Variants in SLC19A2 observed in about 807,000 individuals in gnomAD.
SLC19A2 encodes the protein solute carrier family 19 member 2, also known as thiamine transporter 1.
SLC19A2 carries 27 observed loss-of-function variants against 44.7 expected under a neutral mutation model. That is an observed-to-expected ratio of 0.60 (90% CI 0.45 to 0.83). SLC19A2 has a LOEUF of 0.83. Ranked by LOEUF, SLC19A2 falls within the 40% of genes least tolerant of loss-of-function variation. The probability of loss-of-function intolerance (pLI) is 0.00; values close to 1 mark genes in which losing one functional copy is unlikely to be tolerated. For missense variants in SLC19A2, 566 were observed against 613.7 expected, an observed-to-expected ratio of 0.92 and a Z score of 0.82; for synonymous variants, 239 against 243.6, an observed-to-expected ratio of 0.98 and a Z score of 0.18.
Position 169,465,720 on chromosome 1 carries a change from G to A in SLC19A2, c.*129C>T. 2.1e-6 allele frequency: 2 copies of A among 957,934 alleles called. No homozygotes were observed. The highest frequency in any genetic ancestry group is 3.3e-6 in the Non-Finnish European group (2 of 601,408). 59.3% of individuals were successfully genotyped at this position (957,934 alleles called of 1,614,324 possible). On this transcript the variant is annotated 3_prime_UTR_variant, in exon 6 of 6. Transcript: ENST00000236137. The stretch of plus-strand genomic sequence containing the variant: ...GTTATTCCCGGAACACAAGGTATTA[G>A]TCAAGTGGCTGCTGTGAAGTCAAGA...
chr1:169,466,688 C>CCCA (rs1395944651), intron 5 of SLC19A2, among the ~76,000 whole-genome samples: 1 of 151,934 alleles, frequency 6.6e-6, no homozygotes, highest in Non-Finnish European at 1.5e-5. Context: ...TCCCTTGCCT[C>CCCA]CCACCCCCCA....
chr1:169,479,503 C>T (rs889503607), intron 1 of SLC19A2, among the ~76,000 whole-genome samples: 13 of 152,136 alleles, frequency 8.5e-5, no homozygotes, highest in African/African-American at 3.1e-4. Context: ...CCTTAATCTC[C>T]ATTATCAGTA....
rs753340399 is a variant in SLC19A2 at position 169,477,704 on chromosome 1, A to G, written c.258T>C (p.Phe86=). ...GGTAGTCTGTGGCAAGGAACACAGGAAACAGTAGCACCAGGTAAGAGTAAG... is the reference window on the plus strand; with the variant it reads ...GGTAGTCTGTGGCAAGGAACACAGGGAACAGTAGCACCAGGTAAGAGTAAG... ...VWTYSYLVLL[F]PVFLATDYLR... Residue 86 remains phenylalanine, a synonymous_variant, in exon 2 of 6, where the codon TTT becomes TTC. Transcript: ENST00000236137. 9 of 1,613,848 alleles carry G rather than the reference A, an allele frequency of 5.6e-6. No individual in the cohort carries two copies. The African/African-American group carries it at 1.2e-4, about 22-fold the overall frequency.
intron 1 of SLC19A2, 63 bp from the exon 2 acceptor site, chr1:169,477,820 TA>T: frequency 1.3e-6 from 2 of 1,508,410 alleles, no homozygotes; most frequent in Non-Finnish European, 1.8e-6. Flanking sequence ...GGAATACTCA[TA>T]AAGAATTTAT....
rs751273739 is a variant in SLC19A2, at chr1:169,476,145, A to T, written c.807+1010T>A. Among the ~76,000 whole-genome samples the T allele has an allele frequency of 1.6e-4, 17 of 107,086 alleles. No individual in the cohort carries two copies. The Middle Eastern group carries it at 0.033, about 208-fold the overall frequency. The allele number at this position is 107,086 out of a possible 152,430, so 70.3% of individuals were successfully genotyped here. ...AAACAAAAAAAACACTTGAATATTTAAAAAAAAAAAAGGGTGGGTGTCTAG... is the reference window on the plus strand; with the variant it reads ...AAACAAAAAAAACACTTGAATATTTTAAAAAAAAAAAGGGTGGGTGTCTAG... On this transcript the variant is annotated intron_variant, in intron 2 of 5. Coordinates refer to ENST00000236137, the MANE Select transcript of SLC19A2 (RefSeq NM_006996.3).
intron 5 of SLC19A2, 137 bp downstream of exon 5, chr1:169,467,974 A>G (rs1658073762): frequency 1.2e-6 from 1 of 835,508 alleles, no homozygotes; most frequent in Non-Finnish European, 2.0e-6. Flanking sequence ...GAAGATGTTG[A>G]ATGAAGGAAG....
chr1:169,482,291 G>C (rs1365151638), intron 1 of SLC19A2, among the ~76,000 whole-genome samples: 1 of 151,660 alleles, frequency 6.6e-6, no homozygotes, highest in Non-Finnish European at 1.5e-5. Flanking sequence ...TGTAATCCTA[G>C]CACTTTGGGA....
Position 169,477,408 on chromosome 1 carries a change from C to T in SLC19A2, c.554G>A (p.Trp185Ter). ...LGQILVSVAGWSLFSLNVISL... is the reference protein window; with the variant it reads ...LGQILVSVAG ...GATGACATTCAGGCTGAACAGCGAC[C>T]AGCCTGCCACTGAGACAAGGATTTG... The change falls in exon 2 of 6, where the codon TGG (tryptophan) becomes TAG (stop). Residue 185 changes from tryptophan to a stop codon, truncating the protein, a stop_gained. Transcript: ENST00000236137. LOFTEE classifies it high-confidence loss of function. 1 of 1,614,176 alleles carries T rather than the reference C, an allele frequency of 6.2e-7. No homozygotes were observed. Among genetic ancestry groups the T allele is most frequent in the Non-Finnish European group, 8.5e-7 (1 of 1,180,044 alleles).
chr1:169,467,430 C>T (rs773898107), intron 5 of SLC19A2, among the ~76,000 whole-genome samples: 4 of 152,200 alleles, frequency 2.6e-5, no homozygotes, highest in East Asian at 1.9e-4. Flanking sequence ...AAGTTAATTA[C>T]GGCTAATATG....
intron 1 of SLC19A2, 32 bp from the exon 2 acceptor site, chr1:169,477,789 AC>A (rs746890762): frequency 4.8e-5 from 76 of 1,578,776 alleles, no homozygotes; most frequent in Admixed American, 7.2e-5. Flanking sequence ...AAAACAAAAA[AC>A]ATTAGTGATG....
chr1:169,483,446 T>C (rs545962905), intron 1 of SLC19A2, among the ~76,000 whole-genome samples: 35 of 152,228 alleles, frequency 2.3e-4, no homozygotes, highest in Non-Finnish European at 5.0e-4. Flanking sequence ...GAATCAGCCA[T>C]GATTTGGTGG....
chr1:169,485,946 G>A (rs901025841), upstream of SLC19A2: 16 of 726,864 alleles, frequency 2.2e-5, no homozygotes, highest in Non-Finnish European at 3.5e-5. Flanking sequence ...GACGCCTCTA[G>A]GGTCGCTGCC....
rs12733037 is a variant in SLC19A2 at position 169,472,061 on chromosome 1, A to T, written c.808-1875T>A. 0.063 allele frequency among the ~76,000 whole-genome samples: 9,583 copies of T among 152,262 alleles called. 1,428 individuals carry two copies. The East Asian group carries it at 0.67, about 11-fold the overall frequency. On this transcript the variant is annotated intron_variant, in intron 2 of 5. Coordinates refer to ENST00000236137, the MANE Select transcript of SLC19A2 (RefSeq NM_006996.3). ...AAATTCTACTTGATGAATTTGCATA[A>T]GATAACCACCTAGAAGTACAACATA...
rs150548640 is a variant in SLC19A2, at chr1:169,477,401, C to A, written c.561G>T (p.Leu187=). Residue 187 remains leucine, a synonymous_variant, in exon 2 of 6, where the codon CTG becomes CTT. Transcript: ENST00000236137. The part of the protein sequence containing the change: ...QILVSVAGWS[L]FSLNVISLTC... ...TAAGAGAGATGACATTCAGGCTGAA[C>A]AGCGACCAGCCTGCCACTGAGACAA... 6.7e-4 allele frequency: 1,076 copies of A among 1,614,176 alleles called. 12 individuals carry two copies. The African/African-American group carries it at 0.013, about 19-fold the overall frequency.
chr1:169,467,090 C>A (rs547969887), intron 5 of SLC19A2, among the ~76,000 whole-genome samples: 9 of 152,278 alleles, frequency 5.9e-5, no homozygotes, highest in Admixed American at 1.3e-4. Context: ...AATCTGCTGA[C>A]AAATTTCCAC....
chr1:169,484,226 C>T (rs1286911409), intron 1 of SLC19A2, among the ~76,000 whole-genome samples: 2 of 152,180 alleles, frequency 1.3e-5, no homozygotes, highest in African/African-American at 4.8e-5. Context: ...CTCTCAAGTG[C>T]CCTTGAAAAT....
In SLC19A2 at chr1:169,470,119, G is replaced by A. The variant is rs1658133703; in HGVS notation, c.875C>T (p.Ser292Phe). The change falls in exon 3 of 6, where the codon TCT (serine) becomes TTT (phenylalanine). Residue 292 changes from serine to phenylalanine, a missense_variant. Coordinates refer to ENST00000236137, the MANE Select transcript of SLC19A2 (RefSeq NM_006996.3). Reference protein sequence around the residue: ...LWNDFLMCYSSRPLLCWSVWW... With the variant: ...LWNDFLMCYSFRPLLCWSVWW... ...CACAGACCAGCAGAGAAGAGGGCGA[G>A]AGGAGTAGCACATCAGGAAATCATT... is the stretch of plus-strand genomic sequence containing the variant. 5.0e-6 allele frequency: 8 copies of A among 1,614,120 alleles called. No homozygotes were observed. The East Asian group carries it at 1.3e-4, about 27-fold the overall frequency.
At chr1:169,468,434 C>G in intron 4 of SLC19A2, 182 bp from the exon 5 acceptor site, 1 of 701,046 alleles carries the variant, frequency 1.4e-6, no homozygotes. Context: ...ATGCAAACAT[C>G]TGAAAACAGT....
At chr1:169,484,659 C>A (rs1020424345) in intron 1 of SLC19A2, among the ~76,000 whole-genome samples, 2 of 152,196 alleles carry the variant, frequency 1.3e-5, no homozygotes, top group African/African-American at 4.8e-5. Flanking sequence ...CTGCAAAAAT[C>A]AAGTGCTGGT....
Sources: allele counts gnomAD v4.1 joint callset (sites outside exome capture counted in the v4.1 genomes callset), GRCh38; gene constraint gnomAD v4.1.1; transcripts MANE v1.5; gene names NCBI Gene and HGNC (gene_info 2026-07-23, HGNC 2026-07-21).